The following NDE1 variants were observed in gnomAD, a reference collection of about 807,000 sequenced individuals.
NDE1 encodes the protein nudE neurodevelopment protein 1.
In NDE1, 28 loss-of-function variants were observed where a neutral mutation model predicts 43.4. The ratio of observed to expected loss-of-function variants is 0.65; its 90% CI spans 0.48 to 0.89. The LOEUF (loss-of-function observed/expected upper bound fraction) is 0.89, where lower values mean the gene tolerates loss of function less well. Among genes scored for constraint, NDE1 ranks in the 40% least tolerant of loss-of-function variants. The pLI is 0.00. For synonymous variants in NDE1, 184 were observed against 172.0 expected, an observed-to-expected ratio of 1.07 and a Z score of -0.55; for missense variants, 441 against 434.1, an observed-to-expected ratio of 1.02 and a Z score of -0.14.
At chr16:15,673,284 A>C (rs2037694403) in intron 3 of NDE1, among the ~76,000 whole-genome samples, 1 of 151,658 alleles carries the variant, frequency 6.6e-6, no homozygotes, top group Non-Finnish European at 1.5e-5. Flanking sequence ...ATCTTGGCTC[A>C]CTGCAACCTC....
In NDE1 at chr16:15,668,215, A is replaced by G. The variant is rs374780878; in HGVS notation, c.237+776A>G. On this transcript the variant is annotated intron_variant, in intron 3 of 8. Coordinates refer to ENST00000396354, the MANE Select transcript of NDE1 (RefSeq NM_017668.3). ...TGTCTCTACTAAAATTACAAATATT[A>G]GCTGGGCGTGGTGGTACACGCCTAT... 1.2e-4 allele frequency among the ~76,000 whole-genome samples: 18 copies of G among 152,260 alleles called. No individual in the cohort carries two copies. In the East Asian group the frequency reaches 3.1e-3, roughly 26 times the overall value.
At position 15,679,369 on chromosome 16, in the gene NDE1, T is replaced by C. The variant is rs146538639; in HGVS notation, c.386+1420T>C. Among the ~76,000 whole-genome samples, 543 of 152,314 alleles carry C rather than the reference T, an allele frequency of 3.6e-3. 1 individual carries two copies. Among genetic ancestry groups the C allele is most frequent in the Non-Finnish European group, 6.5e-3 (442 of 68,026 alleles). On this transcript the variant is annotated intron_variant, in intron 4 of 8. Coordinates refer to ENST00000396354, the MANE Select transcript of NDE1 (RefSeq NM_017668.3). ...CGGACGCCATCTATACACATAACCT[T>C]TTTATATTGTCAGGCAGGTTCCTAA...
intron 6 of NDE1, among the ~76,000 whole-genome samples, 153 bp from the exon 7 acceptor site, chr16:15,694,012 T>C (rs1042564416): frequency 6.6e-6 from 1 of 152,178 alleles, no homozygotes; most frequent in African/African-American, 2.4e-5. Context: ...GGGTGTGTGA[T>C]GCGGTTAACT....
At chr16:15,664,591 G>A (rs1374943315) in intron 1 of NDE1, 145 bp from the exon 2 acceptor site, 9 of 592,784 alleles carry the variant, frequency 1.5e-5, no homozygotes, top group Non-Finnish European at 2.7e-5. Flanking sequence ...TCCTGACCTC[G>A]TGATCCGCCC....
chr16:15,720,133 G>A lies in NDE1; in HGVS notation c.948-4058G>A, dbSNP rs371462392. On this transcript the variant is annotated intron_variant, in intron 8 of 8. Transcript: ENST00000396354. ...TGCCCTCCCTCCACCCATGCCCCAA[G>A]CTCCTAGTGTCACCCACCTGCAGTT... 4 of 1,613,974 alleles carry A rather than the reference G, an allele frequency of 2.5e-6. No homozygotes were observed. In the African/African-American group the frequency reaches 5.3e-5, roughly 22 times the overall value.
intron 1 of NDE1, among the ~76,000 whole-genome samples, chr16:15,655,594 G>A (rs1050918079): frequency 6.6e-6 from 1 of 152,152 alleles, no homozygotes; most frequent in African/African-American, 2.4e-5. Context: ...ATCTAGAACT[G>A]GAAATACCAT....
intron 4 of NDE1, chr16:15,686,378 G>A (rs997859225): frequency 1.0e-6 from 1 of 985,328 alleles, no homozygotes; most frequent in East Asian, 1.1e-4. Context: ...ATAACAGATT[G>A]TTTTCTTACA....
chr16:15,696,357 C>T (rs1340283948), intron 7 of NDE1, among the ~76,000 whole-genome samples: 2 of 149,934 alleles, frequency 1.3e-5, no homozygotes, highest in East Asian at 1.9e-4. Context: ...GCCTGGGTGA[C>T]ACAGCGTCTA....
intron 3 of NDE1, among the ~76,000 whole-genome samples, chr16:15,669,306 G>A (rs8061815): frequency 0.46 from 68,647 of 150,286 alleles, 16,439 homozygotes; most frequent in Middle Eastern, 0.57. Context: ...TGATTGTCCC[G>A]CCTCAGCCTC....
At chr16:15,660,385 A>T (rs959348033) in intron 1 of NDE1, among the ~76,000 whole-genome samples, 2 of 151,950 alleles carry the variant, frequency 1.3e-5, no homozygotes, top group African/African-American at 4.8e-5. Context: ...AGGCAGGAGG[A>T]TCAGTGCCGC....
chr16:15,697,762 T>C (rs1347183872), intron 8 of NDE1, among the ~76,000 whole-genome samples: 1 of 152,072 alleles, frequency 6.6e-6, no homozygotes, highest in African/African-American at 2.4e-5. Flanking sequence ...ATTTGGGGAA[T>C]TGAGCATCAG....
At chr16:15,692,263 A>G (rs1487909126) in intron 6 of NDE1, among the ~76,000 whole-genome samples, 1 of 152,236 alleles carries the variant, frequency 6.6e-6, no homozygotes, top group African/African-American at 2.4e-5. Context: ...AAGCAGAGTC[A>G]TGAAGCAATT....
chr16:15,660,057 C>T (rs552936037), intron 1 of NDE1, among the ~76,000 whole-genome samples: 2 of 152,214 alleles, frequency 1.3e-5, no homozygotes, highest in Admixed American at 1.3e-4. Context: ...TGGACACAAT[C>T]TTACTTGGAT....
intron 3 of NDE1, among the ~76,000 whole-genome samples, chr16:15,669,650 A>C (rs2037492828): frequency 6.7e-6 from 1 of 149,700 alleles, no homozygotes; most frequent in African/African-American, 2.5e-5. Context: ...GTGAGCCACC[A>C]CGCCCGGCTA....
In NDE1 at chr16:15,724,764, G is replaced by A. The variant is rs768465413; in HGVS notation, c.*513G>A. On this transcript the variant is annotated 3_prime_UTR_variant, in exon 9 of 9. Transcript: ENST00000396354. ...CCAGCTGGCGCAGCTTCGTAGACAC[G>A]TTGAGCTTCTGCCGGGTTTCTTCTT... is the stretch of plus-strand genomic sequence containing the variant. 9 of 1,613,986 alleles carry A rather than the reference G, an allele frequency of 5.6e-6. No individual in the cohort carries two copies. Among genetic ancestry groups the A allele is most frequent in the Admixed American group, 5.0e-5 (3 of 60,000 alleles).
At chr16:15,723,282 T>C (rs1187956500) in intron 8 of NDE1, among the ~76,000 whole-genome samples, 4 of 152,134 alleles carry the variant, frequency 2.6e-5, no homozygotes, top group Non-Finnish European at 1.5e-5. Context: ...AGGGGAAATG[T>C]ACTGACATCT....
rs568806182 is a variant in NDE1, at chr16:15,650,272, T to C, written c.-66T>C. 117 of 311,964 alleles carry C rather than the reference T, an allele frequency of 3.8e-4. No homozygotes were observed. Among genetic ancestry groups the C allele is most frequent in the African/African-American group, 2.5e-3 (112 of 44,338 alleles). The allele number at this position is 311,964 out of a possible 1,614,324, so 19.3% of individuals were successfully genotyped here. ...AGCCGCCTCTGCCGCCGCCGCCGCG[T>C]TGGCCTCGCCGCCCCTGCTCGGGTA... On this transcript the variant is annotated 5_prime_UTR_variant, in exon 1 of 9. Transcript: ENST00000396354.
chr16:15,725,312 AG>A lies in NDE1; in HGVS notation c.*1063del, dbSNP rs2040699619. The A allele has an allele frequency of 1.9e-5, 11 of 564,988 alleles. No homozygotes were observed. 35.0% of individuals were successfully genotyped at this position (564,988 alleles called of 1,614,324 possible). On this transcript the variant is annotated 3_prime_UTR_variant, in exon 9 of 9. Transcript: ENST00000396354. ...CTAAATGGATCCTAGATCCCTGCCA[AG>A]GTTGGTAGAGACAAAGCAGCAGGTC... is the stretch of plus-strand genomic sequence containing the variant.
intron 5 of NDE1, among the ~76,000 whole-genome samples, chr16:15,689,736 T>C (rs1011999545): frequency 6.6e-6 from 1 of 152,014 alleles, no homozygotes; most frequent in African/African-American, 2.4e-5. Flanking sequence ...GGTCAGGAGT[T>C]AGAGTCCAGC....
Sources: gnomAD v4.1 joint callset for allele counts (sites outside exome capture counted in the v4.1 genomes callset) on GRCh38, gnomAD v4.1.1 for gene constraint, MANE v1.5 for transcripts, NCBI Gene and HGNC (gene_info 2026-07-23, HGNC 2026-07-21) for gene names.